The following PSD3 variants were observed in gnomAD, a reference collection of about 807,000 sequenced individuals.
The protein encoded by PSD3 is PH and SEC7 domain-containing protein 3.
In PSD3, 49 loss-of-function variants were observed where a neutral mutation model predicts 105.5. The observed-to-expected ratio is 0.46, with a 90% CI of 0.37 to 0.59. The LOEUF is 0.59. Ranked by LOEUF, PSD3 falls within the 20% of genes least tolerant of loss-of-function variation. The pLI is 0.00. For synonymous variants in PSD3, 557 were observed against 457.8 expected (o/e 1.22, Z -2.77); for missense variants, 1,561 against 1,263.8 (o/e 1.24, Z -3.57).
intron 2 of PSD3, among the ~76,000 whole-genome samples, chr8:18,878,995 C>T (rs1817910594): frequency 6.6e-6 from 1 of 151,240 alleles, no homozygotes; most frequent in Admixed American, 6.6e-5. Flanking sequence ...GCCCGCTTTG[C>T]TTTAACAGTT....
At chr8:18,589,492 T>C (rs17596541) in intron 12 of PSD3, among the ~76,000 whole-genome samples, 2,082 of 152,294 alleles carry the variant, frequency 0.014, 23 homozygotes, top group Non-Finnish European at 0.023. Context: ...CCTGATGTAT[T>C]CCAAAAGGAA....
At chr8:18,619,018 A>C (rs1396611193) in intron 11 of PSD3, among the ~76,000 whole-genome samples, 1 of 152,096 alleles carries the variant, frequency 6.6e-6, no homozygotes, top group African/African-American at 2.4e-5. Context: ...CTCCTCACCA[A>C]GAGTATTACT....
At chr8:18,707,289 A>G (rs567721227) in intron 9 of PSD3, among the ~76,000 whole-genome samples, 153 of 152,314 alleles carry the variant, frequency 1.0e-3, no homozygotes, top group African/African-American at 3.6e-3. Flanking sequence ...TCCTGTGTCA[A>G]GTCTATGAGA....
chr8:18,806,278 G>A (rs1426792469), intron 4 of PSD3, among the ~76,000 whole-genome samples: 1 of 152,038 alleles, frequency 6.6e-6, no homozygotes, highest in African/African-American at 2.4e-5. Context: ...TCAACGCAGT[G>A]AAAAACAAAA....
chr8:18,803,903 T>A (rs1230857435), intron 6 of PSD3, among the ~76,000 whole-genome samples: 3 of 152,234 alleles, frequency 2.0e-5, no homozygotes, highest in East Asian at 3.9e-4. Flanking sequence ...CCACTCATTG[T>A]ATACCTAAAA....
intron 4 of PSD3, among the ~76,000 whole-genome samples, chr8:18,850,597 C>A (rs1048843451): frequency 6.6e-6 from 1 of 152,096 alleles, no homozygotes; most frequent in Admixed American, 6.5e-5. Context: ...AGACAATTGT[C>A]GTAAGTTATT....
At chr8:19,002,505 C>T (rs996449527) in intron 1 of PSD3, among the ~76,000 whole-genome samples, 6 of 151,932 alleles carry the variant, frequency 3.9e-5, no homozygotes, top group African/African-American at 9.7e-5. Flanking sequence ...TTGTGATGGT[C>T]ATTTGGCATG....
intron 4 of PSD3, among the ~76,000 whole-genome samples, chr8:18,859,578 T>C (rs960069378): frequency 6.6e-6 from 1 of 152,262 alleles, no homozygotes; most frequent in Admixed American, 6.5e-5. Context: ...TGTTGTTTAG[T>C]GTAGCTAGCT....
chr8:18,596,468 A>C (rs1194750407), intron 12 of PSD3, among the ~76,000 whole-genome samples: 2 of 152,050 alleles, frequency 1.3e-5, no homozygotes, highest in Non-Finnish European at 2.9e-5. Flanking sequence ...AATAAATGAA[A>C]TAGAGAAATG....
At chr8:18,915,314 C>A (rs923539499) in intron 2 of PSD3, among the ~76,000 whole-genome samples, 5 of 152,050 alleles carry the variant, frequency 3.3e-5, no homozygotes, top group African/African-American at 1.2e-4. Context: ...ACACCAAAAA[C>A]ACAGGCAATG....
chr8:18,564,697 G>T (rs77779531), intron 14 of PSD3, among the ~76,000 whole-genome samples: 3,618 of 151,826 alleles, frequency 0.024, 65 homozygotes, highest in East Asian at 0.088. Flanking sequence ...TGTGGAAATG[G>T]GTGGGTGGGG....
chr8:18,575,032 A>G, intron 13 of PSD3, 96 bp downstream of exon 13: 2 of 1,331,218 alleles, frequency 1.5e-6, no homozygotes, highest in African/African-American at 1.5e-5. Flanking sequence ...TTCCAACTCA[A>G]AAAATTTCCC....
At chr8:18,568,910 T>C (rs1487817997) in intron 14 of PSD3, among the ~76,000 whole-genome samples, 4 of 148,914 alleles carry the variant, frequency 2.7e-5, no homozygotes, top group South Asian at 4.4e-4. Context: ...CCTGTGTCCA[T>C]GTGATCTCAC....
intron 6 of PSD3, among the ~76,000 whole-genome samples, chr8:18,801,696 G>T (rs1810704958): frequency 6.6e-6 from 1 of 152,142 alleles, no homozygotes; most frequent in Admixed American, 6.5e-5. Flanking sequence ...CGGGCATGGT[G>T]GTGGGCGCCT....
At chr8:18,945,099 C>T (rs1822779441) in intron 1 of PSD3, among the ~76,000 whole-genome samples, 1 of 152,186 alleles carries the variant, frequency 6.6e-6, no homozygotes, top group Non-Finnish European at 1.5e-5. Flanking sequence ...TACACACACA[C>T]ATTCACACTC....
intron 11 of PSD3, among the ~76,000 whole-genome samples, chr8:18,621,524 C>T (rs1435331051): frequency 1.3e-5 from 2 of 152,290 alleles, no homozygotes; most frequent in African/African-American, 4.8e-5. Flanking sequence ...ATGTAAAAAC[C>T]TAGAACTTAA....
chr8:18,713,074 A>T (rs1802354341), intron 9 of PSD3, among the ~76,000 whole-genome samples: 1 of 152,204 alleles, frequency 6.6e-6, no homozygotes, highest in Non-Finnish European at 1.5e-5. Context: ...ACCTTTGATA[A>T]AATTCAATAT....
At chr8:18,789,432 T>A (rs964424988) in intron 8 of PSD3, among the ~76,000 whole-genome samples, 2 of 152,228 alleles carry the variant, frequency 1.3e-5, no homozygotes, top group East Asian at 3.9e-4. Flanking sequence ...TGACTATTAT[T>A]CATAAATGTG....
chr8:18,685,941 G>T (rs1342635594), intron 9 of PSD3, among the ~76,000 whole-genome samples: 1 of 152,020 alleles, frequency 6.6e-6, no homozygotes, highest in Admixed American at 6.6e-5. Context: ...CATGCCCTTT[G>T]GATATTTGTC....
Sources: gnomAD v4.1 joint callset for allele counts (sites outside exome capture counted in the v4.1 genomes callset) on GRCh38, gnomAD v4.1.1 for gene constraint, MANE v1.5 for transcripts, NCBI Gene and HGNC (gene_info 2026-07-23, HGNC 2026-07-21) for gene names.